The following RBM33 variants were observed in gnomAD, a reference collection of about 807,000 sequenced individuals.
The protein encoded by RBM33 is RNA-binding protein 33.
RBM33 carries 28 observed loss-of-function variants against 132.6 expected under a neutral mutation model. The observed-to-expected ratio is 0.21, with a 90% CI of 0.16 to 0.29. The LOEUF is 0.29. Among genes scored for constraint, RBM33 ranks in the 10% least tolerant of loss-of-function variants. RBM33 has a pLI of 1.00. For synonymous variants in RBM33, 634 were observed against 593.0 expected, an observed-to-expected ratio of 1.07 and a Z score of -1.01; for missense variants, 1,291 against 1,518.5, an observed-to-expected ratio of 0.85 and a Z score of 2.49.
intron 14 of RBM33, among the ~76,000 whole-genome samples, chr7:155,753,131 A>T (rs903236749): frequency 6.6e-6 from 1 of 152,210 alleles, no homozygotes; most frequent in Non-Finnish European, 1.5e-5. Context: ...AGTACTTCTG[A>T]TGATAAAAGT....
chr7:155,773,525 G>C (rs1802500299), intron 16 of RBM33, among the ~76,000 whole-genome samples: 1 of 128,718 alleles, frequency 7.8e-6, no homozygotes, highest in Non-Finnish European at 1.5e-5. Flanking sequence ...CTGAGATCCT[G>C]CCATTGCACA....
intron 16 of RBM33, among the ~76,000 whole-genome samples, chr7:155,771,187 C>T (rs931033159): frequency 6.6e-6 from 1 of 152,176 alleles, no homozygotes; most frequent in African/African-American, 2.4e-5. Flanking sequence ...AAAGTTTTAA[C>T]TCTATGATAG....
rs1279954755 is a variant in RBM33, at chr7:155,673,797, CA to C, written c.171+883del. The stretch of plus-strand genomic sequence containing the variant: ...ACACACACACACACACACACACACA[CA>C]CACCCCTACCAGTATATTTCGGACA... On this transcript the variant is annotated intron_variant, in intron 3 of 17. Transcript: ENST00000401878. 3.1e-3 allele frequency among the ~76,000 whole-genome samples: 443 copies of C among 144,152 alleles called. 2 individuals carry two copies. Among genetic ancestry groups the C allele is most frequent in the Non-Finnish European group, 4.4e-3 (300 of 67,704 alleles). The allele number at this position is 144,152 out of a possible 152,430, so 94.6% of individuals were successfully genotyped here. A position where few individuals can be genotyped will look rare whatever the true frequency, so the allele number is the denominator to read the frequency against.
chr7:155,715,978 A>G (rs1800449197), intron 8 of RBM33, among the ~76,000 whole-genome samples: 1 of 152,236 alleles, frequency 6.6e-6, no homozygotes, highest in South Asian at 2.1e-4. Flanking sequence ...TTTAAAAACA[A>G]TTTTGATGGA....
At chr7:155,672,595 A>C (rs957335833) in intron 2 of RBM33, among the ~76,000 whole-genome samples, 3 of 152,150 alleles carry the variant, frequency 2.0e-5, no homozygotes, top group African/African-American at 7.2e-5. Context: ...TCTCTACTAA[A>C]GATACACAAA....
rs552868300 is a variant in RBM33, at chr7:155,709,414, C to G, written c.949-1789C>G. Among the ~76,000 whole-genome samples, 3 of 152,200 alleles carry G rather than the reference C, an allele frequency of 2.0e-5. No homozygotes were observed. In the South Asian group the frequency reaches 6.2e-4, roughly 32 times the overall value. Reference sequence around the variant, plus strand: ...TTCTTCAGGTTTTGTTCTCGTCCTCCTTTTCCTCAGTGGTCTCCCCAGCAC... The same window carrying G: ...TTCTTCAGGTTTTGTTCTCGTCCTCGTTTTCCTCAGTGGTCTCCCCAGCAC... On this transcript the variant is annotated intron_variant, in intron 7 of 17. Coordinates refer to ENST00000401878, the MANE Select transcript of RBM33 (RefSeq NM_053043.3).
At chr7:155,661,740 T>C (rs75747007) in intron 1 of RBM33, among the ~76,000 whole-genome samples, 3,784 of 152,284 alleles carry the variant, frequency 0.025, 143 homozygotes, top group African/African-American at 0.085. Flanking sequence ...GACCTGACAC[T>C]GTCATCATAT....
chr7:155,669,293 T>G (rs1344977532), intron 2 of RBM33, among the ~76,000 whole-genome samples: 1 of 152,058 alleles, frequency 6.6e-6, no homozygotes, highest in East Asian at 1.9e-4. Context: ...GTTTTATTTA[T>G]TTTTTTTAAA....
At chr7:155,726,821 G>A (rs1000001590) in intron 9 of RBM33, among the ~76,000 whole-genome samples, 2 of 152,242 alleles carry the variant, frequency 1.3e-5, no homozygotes, top group Non-Finnish European at 2.9e-5. Flanking sequence ...AATGCACTAT[G>A]ATGGATAAAG....
rs1168886202 is a variant in RBM33, at chr7:155,777,038, A to C, written c.*1997A>C. The C allele has an allele frequency of 6.6e-6, 1 of 151,928 alleles. No homozygotes were observed. The highest frequency in any genetic ancestry group is 1.9e-4 in the East Asian group (1 of 5,176). 9.4% of individuals were successfully genotyped at this position (151,928 alleles called of 1,614,324 possible). ...GAGGGCTTACTGATACAATGAAATGAGTTTCATGACTTTTTTTTTTTTTAA... is the reference window on the plus strand; with the variant it reads ...GAGGGCTTACTGATACAATGAAATGCGTTTCATGACTTTTTTTTTTTTTAA... On this transcript the variant is annotated 3_prime_UTR_variant, in exon 18 of 18. Coordinates refer to ENST00000401878, the MANE Select transcript of RBM33 (RefSeq NM_053043.3).
Position 155,665,212 on chromosome 7 carries a change from A to G in RBM33, c.81A>G (p.Glu27=), listed in dbSNP as rs1798768421. Residue 27 remains glutamate (E), a synonymous_variant, in exon 2 of 18, where the codon GAA becomes GAG. Coordinates refer to ENST00000401878, the MANE Select transcript of RBM33 (RefSeq NM_053043.3). ...DFDQFDKPGA[E]RSWRRRAADE... is the part of the protein sequence containing the mutation. Reference sequence around the variant, plus strand: ...ACCAGTTTGATAAGCCTGGCGCGGAACGGTCGTGGAGAAGAAGAGCTGCTG... The same window carrying G: ...ACCAGTTTGATAAGCCTGGCGCGGAGCGGTCGTGGAGAAGAAGAGCTGCTG... The G allele has an allele frequency of 1.9e-6, 3 of 1,613,904 alleles. No homozygotes were observed. The highest frequency in any genetic ancestry group is 2.5e-6 in the Non-Finnish European group (3 of 1,179,826).
chr7:155,707,095 C>G (rs769616312), intron 7 of RBM33, 27 bp downstream of exon 7: 20 of 1,515,852 alleles, frequency 1.3e-5, no homozygotes, highest in Admixed American at 2.1e-5. Flanking sequence ...TTGTAGTAGC[C>G]CTAGAACTTC....
At chr7:155,715,863 C>T (rs112923239) in intron 8 of RBM33, among the ~76,000 whole-genome samples, 2,480 of 152,226 alleles carry the variant, frequency 0.016, 62 homozygotes, top group African/African-American at 0.055. Context: ...ATTCTCAGAG[C>T]CTTACACAGA....
At chr7:155,771,725 A>G (rs1424341439) in intron 16 of RBM33, among the ~76,000 whole-genome samples, 3 of 151,928 alleles carry the variant, frequency 2.0e-5, no homozygotes, top group Non-Finnish European at 2.9e-5. Context: ...CTTTTTTCTT[A>G]TTTTATTTTA....
intron 16 of RBM33, chr7:155,766,986 AT>A (rs1216732171): frequency 3.5e-4 from 103 of 298,526 alleles, no homozygotes; most frequent in African/African-American, 2.2e-3. Flanking sequence ...GACTTGTTTT[AT>A]TTGTAATAAC....
chr7:155,738,896 T>C (rs920893009), intron 11 of RBM33: 3 of 159,654 alleles, frequency 1.9e-5, no homozygotes, highest in African/African-American at 7.2e-5. Flanking sequence ...TTGAAGGCCT[T>C]GAGTGCCCTC....
Position 155,745,877 on chromosome 7 carries a change from A to G in RBM33, c.2979+275A>G, listed in dbSNP as rs1801500668. 6.6e-6 allele frequency among the ~76,000 whole-genome samples: 1 copy of G among 152,186 alleles called. No individual in the cohort carries two copies. Among genetic ancestry groups the G allele is most frequent in the South Asian group, 2.1e-4 (1 of 4,832 alleles). On this transcript the variant is annotated intron_variant, in intron 14 of 17. Transcript: ENST00000401878. The surrounding 1 kb of genome is among the most constrained non-coding windows in gnomAD (Gnocchi z 4.1). The stretch of plus-strand genomic sequence containing the variant: ...ACAGCCTGCTGCACACCTAGGCTAT[A>G]TGGTACAGCCTGTTGCTCCCTGGCC...
intron 16 of RBM33, among the ~76,000 whole-genome samples, chr7:155,768,561 T>C (rs1381168182): frequency 6.6e-6 from 1 of 152,252 alleles, no homozygotes; most frequent in African/African-American, 2.4e-5. Flanking sequence ...CAGGAGGACC[T>C]ATATTCATTC....
At chr7:155,709,779 TAAG>T (rs995960196) in intron 7 of RBM33, among the ~76,000 whole-genome samples, 5 of 152,156 alleles carry the variant, frequency 3.3e-5, no homozygotes, top group South Asian at 2.1e-4. Context: ...TGTGATGAGT[TAAG>T]GAGGGGGAAA....
Sources: allele counts gnomAD v4.1 joint callset (sites outside exome capture counted in the v4.1 genomes callset), GRCh38; gene constraint gnomAD v4.1.1; non-coding constraint Gnocchi (gnomAD v3.1); transcripts MANE v1.5; gene names NCBI Gene and HGNC (gene_info 2026-07-23, HGNC 2026-07-21).